The following EIF4G3 variants were observed in gnomAD, a reference collection of about 807,000 sequenced individuals.
The protein encoded by EIF4G3 is eukaryotic translation initiation factor 4 gamma 3.
Under a neutral mutation model 186.4 loss-of-function variants are expected in EIF4G3, and 34 were observed. The observed-to-expected ratio is 0.18, with a 90% confidence interval of 0.14 to 0.24. The LOEUF (loss-of-function observed/expected upper bound fraction) is 0.24. Ranked by LOEUF, EIF4G3 falls within the 10% of genes least tolerant of loss-of-function variation. The pLI is 1.00. For missense variants in EIF4G3, 1,536 were observed against 1,948.5 expected (o/e 0.79, Z 3.99); for synonymous variants, 673 against 679.5 (o/e 0.99, Z 0.15).
intron 15 of EIF4G3, among the ~76,000 whole-genome samples, chr1:20,903,778 C>G (rs982805763): frequency 1.3e-5 from 2 of 152,028 alleles, no homozygotes; most frequent in Non-Finnish European, 2.9e-5. Context: ...TTATAACTTG[C>G]TAAAAAAGCC....
intron 13 of EIF4G3, among the ~76,000 whole-genome samples, chr1:20,945,895 G>C (rs2095925633): frequency 6.6e-6 from 1 of 152,204 alleles, no homozygotes. Context: ...ATAGGGGAAA[G>C]TCAGCTTATT....
chr1:20,830,647 C>CA (rs2064892033), intron 30 of EIF4G3, among the ~76,000 whole-genome samples: 1 of 152,132 alleles, frequency 6.6e-6, no homozygotes, highest in South Asian at 2.1e-4. Context: ...GGTCTTTCAG[C>CA]AGTGTACCTG....
At chr1:20,996,388 C>G (rs2082291955) in intron 7 of EIF4G3, among the ~76,000 whole-genome samples, 1 of 152,082 alleles carries the variant, frequency 6.6e-6, no homozygotes, top group Non-Finnish European at 1.5e-5. Flanking sequence ...AAAAAATACC[C>G]TGAGGTTTTA....
chr1:21,090,608 A>C (rs1170004363), intron 2 of EIF4G3, among the ~76,000 whole-genome samples: 1 of 152,192 alleles, frequency 6.6e-6, no homozygotes, highest in African/African-American at 2.4e-5. Flanking sequence ...CCTCCTTAAA[A>C]GGTGGATTTG....
rs924751099 is a variant in EIF4G3 at position 21,052,728 on chromosome 1, G to T, written c.-195-1734C>A. On this transcript the variant is annotated intron_variant, in intron 3 of 36. Coordinates refer to ENST00000602326, the MANE Select transcript of EIF4G3 (RefSeq NM_001391906.1). Reference sequence around the variant, plus strand: ...GCCGAGTGCCTGCGATTGCAGGCGCGCGCCGCCACGCCTGACTGGTTCTCG... The same window carrying T: ...GCCGAGTGCCTGCGATTGCAGGCGCTCGCCGCCACGCCTGACTGGTTCTCG... 3.3e-5 allele frequency among the ~76,000 whole-genome samples: 5 copies of T among 152,292 alleles called. No homozygotes were observed. The South Asian group carries it at 1.0e-3, about 32-fold the overall frequency.
At chr1:20,951,975 A>C (rs1278519793) in intron 12 of EIF4G3, among the ~76,000 whole-genome samples, 1 of 152,184 alleles carries the variant, frequency 6.6e-6, no homozygotes, top group Non-Finnish European at 1.5e-5. Flanking sequence ...TTAAGTTACA[A>C]TTTGAAATCC....
intron 2 of EIF4G3, among the ~76,000 whole-genome samples, chr1:21,121,794 A>T (rs2096930659): frequency 1.3e-5 from 2 of 151,968 alleles, no homozygotes; most frequent in Admixed American, 1.3e-4. Flanking sequence ...AAAAAAACTA[A>T]TCCATCAATC....
intron 7 of EIF4G3, among the ~76,000 whole-genome samples, chr1:20,987,307 A>G (rs1570437958): frequency 6.6e-6 from 1 of 152,260 alleles, no homozygotes; most frequent in East Asian, 1.9e-4. Context: ...CAGCAACTAG[A>G]AAAATCCTAT....
intron 2 of EIF4G3, among the ~76,000 whole-genome samples, chr1:21,148,042 T>A (rs1479779915): frequency 1.3e-5 from 2 of 152,194 alleles, no homozygotes; most frequent in African/African-American, 2.4e-5. Flanking sequence ...TTGAAAAGCA[T>A]TATGCACAAA....
At chr1:20,808,409 C>T (rs368711274) in intron 36 of EIF4G3, among the ~76,000 whole-genome samples, 43 of 151,986 alleles carry the variant, frequency 2.8e-4, no homozygotes, top group East Asian at 1.8e-3. Flanking sequence ...TGGCCGGGCG[C>T]GGTGGCTCAC....
chr1:20,891,844 T>C (rs2086205863), intron 18 of EIF4G3, among the ~76,000 whole-genome samples: 1 of 151,746 alleles, frequency 6.6e-6, no homozygotes, highest in Non-Finnish European at 1.5e-5. Context: ...TCTAAGACTT[T>C]CTGGTGAGGT....
chr1:20,947,135 T>G (rs1255235587), intron 13 of EIF4G3, among the ~76,000 whole-genome samples: 3 of 151,992 alleles, frequency 2.0e-5, no homozygotes, highest in African/African-American at 7.2e-5. Flanking sequence ...TCGCTTGAGC[T>G]CAGGAGTTTG....
In EIF4G3 at chr1:21,002,790, G is replaced by T. The variant is rs2083876870; in HGVS notation, c.-48C>A. 6.2e-7 allele frequency: 1 copy of T among 1,606,376 alleles called. No homozygotes were observed. The highest frequency in any genetic ancestry group is 8.5e-7 in the Non-Finnish European group (1 of 1,173,664). ...ACCAGCGTGGTTGGACCTGCATTCT[G>T]TCCAGAGGGATAAGGGGTCTGTCAA... On this transcript the variant is annotated 5_prime_UTR_variant, in exon 5 of 37. Coordinates refer to ENST00000602326, the MANE Select transcript of EIF4G3 (RefSeq NM_001391906.1).
At chr1:20,986,420 T>C (rs755681270) in intron 7 of EIF4G3, among the ~76,000 whole-genome samples, 6 of 152,152 alleles carry the variant, frequency 3.9e-5, no homozygotes, top group Non-Finnish European at 8.8e-5. Context: ...CAATTGTGTT[T>C]TGAAGCTCAT....
intron 4 of EIF4G3, among the ~76,000 whole-genome samples, chr1:21,005,823 T>C (rs1267795614): frequency 6.6e-6 from 1 of 152,224 alleles, no homozygotes; most frequent in Non-Finnish European, 1.5e-5. Context: ...TTATTTTCTA[T>C]ATAGGCTTTC....
At chr1:20,957,558 A>G (rs1008756984) in intron 12 of EIF4G3, among the ~76,000 whole-genome samples, 3 of 151,880 alleles carry the variant, frequency 2.0e-5, no homozygotes, top group Non-Finnish European at 1.5e-5. Context: ...AAATTGCAGC[A>G]AAACTAAATG....
Position 21,052,937 on chromosome 1 carries a change from C to A in EIF4G3, c.-195-1943G>T, listed in dbSNP as rs532841556. ...GCGTGATCTCGGCTCGCTACAACCT[C>A]CACCTCCCAGCTGCCTGCCTTGGCC... is the stretch of plus-strand genomic sequence containing the variant. On this transcript the variant is annotated intron_variant, in intron 3 of 36. Transcript: ENST00000602326. 5.6e-4 allele frequency among the ~76,000 whole-genome samples: 85 copies of A among 152,302 alleles called. No homozygotes were observed. In the South Asian group the frequency reaches 0.012, roughly 22 times the overall value.
chr1:20,882,226 T>C (rs1187758180), intron 19 of EIF4G3, among the ~76,000 whole-genome samples: 1 of 142,912 alleles, frequency 7.0e-6, no homozygotes, highest in East Asian at 2.3e-4. Flanking sequence ...AAATCATTTA[T>C]TGGATAAGCT....
chr1:21,086,913 T>C (rs1431133442), intron 3 of EIF4G3, among the ~76,000 whole-genome samples: 1 of 143,536 alleles, frequency 7.0e-6, no homozygotes, highest in Non-Finnish European at 1.5e-5. Flanking sequence ...CACTCCAGCC[T>C]GGGCAACAGA....
Sources: allele counts gnomAD v4.1 joint callset (sites outside exome capture counted in the v4.1 genomes callset), GRCh38; gene constraint gnomAD v4.1.1; transcripts MANE v1.5; gene names NCBI Gene and HGNC (gene_info 2026-07-23, HGNC 2026-07-21).